Variants in CLEC12A observed in about 807,000 individuals in gnomAD.
The protein encoded by CLEC12A is C-type lectin domain family 12 member A, also known as C-type lectin protein CLL-1.
CLEC12A carries 22 observed loss-of-function variants against 26.5 expected under a neutral mutation model. The observed-to-expected ratio is 0.83, with a 90% CI of 0.59 to 1.19. The LOEUF is 1.19. Among genes scored for constraint, CLEC12A ranks in the 50% most tolerant of loss-of-function variants. The pLI is 0.00. For missense variants in CLEC12A, 353 were observed against 315.6 expected (o/e 1.12, Z -0.90); for synonymous variants, 119 against 101.9 (o/e 1.17, Z -1.01).
At chr12:9,970,890 T>C (rs1434884767), upstream of CLEC12A, among the ~76,000 whole-genome samples, 1 of 152,214 alleles carries the variant, frequency 6.6e-6, no homozygotes, top group Non-Finnish European at 1.5e-5. Context: ...CAATTACTTT[T>C]GCTTTTAATG....
chr12:9,966,713 G>A (rs558237772), upstream of CLEC12A, among the ~76,000 whole-genome samples: 70 of 151,152 alleles, frequency 4.6e-4, no homozygotes, highest in South Asian at 0.011. Flanking sequence ...TGAAGGCGAG[G>A]TTAATTAAGT....
rs1270001549 is a variant in CLEC12A, at chr12:9,979,506, C to T, written c.361C>T (p.Leu121=). 6.2e-7 allele frequency: 1 copy of T among 1,611,806 alleles called. No homozygotes were observed. The highest frequency in any genetic ancestry group is 8.5e-7 in the Non-Finnish European group (1 of 1,178,962). Residue 121 remains leucine (L), a synonymous_variant, in exon 3 of 6, where the codon CTA becomes TTA. Transcript: ENST00000304361. ...QTIATKLCRE[L]YSKEQEHKCK... is the part of the protein sequence containing the mutation. ...AATAGCCACCAAATTATGTCGTGAG[C>T]TATATAGCAAAGAACAAGGTAATCT...
At chr12:9,979,907 T>C (rs921297109) in intron 3 of CLEC12A, among the ~76,000 whole-genome samples, 7 of 152,162 alleles carry the variant, frequency 4.6e-5, no homozygotes, top group Admixed American at 1.3e-4. Context: ...ACAAAGTCCA[T>C]AGAAAAAAAT....
intron 1 of CLEC12A, among the ~76,000 whole-genome samples, chr12:9,972,174 T>C (rs1864157374): frequency 6.6e-6 from 1 of 152,068 alleles, no homozygotes; most frequent in Non-Finnish European, 1.5e-5. Context: ...CTACTTCTTT[T>C]GGAGATTTTT....
intron 1 of CLEC12A, among the ~76,000 whole-genome samples, chr12:9,976,437 C>T (rs1864338939): frequency 6.6e-6 from 1 of 152,134 alleles, no homozygotes; most frequent in South Asian, 2.1e-4. Flanking sequence ...GATTTGGTGC[C>T]CTTTGGACTT....
At chr12:9,963,086 T>A (rs1863866648) in intron 1 of CLEC12A, among the ~76,000 whole-genome samples, 2 of 152,132 alleles carry the variant, frequency 1.3e-5, no homozygotes, top group Admixed American at 1.3e-4. Context: ...GAATTATTCG[T>A]GATGGCCTGG....
chr12:9,977,092 A>G (rs1864369110), intron 1 of CLEC12A, among the ~76,000 whole-genome samples: 1 of 152,192 alleles, frequency 6.6e-6, no homozygotes, highest in Admixed American at 6.5e-5. Context: ...TGCTAACCCT[A>G]AAGATGGTGT....
intron 4 of CLEC12A, chr12:9,993,079 T>C: frequency 6.8e-7 from 1 of 1,472,470 alleles, no homozygotes. Flanking sequence ...TACTGATGCA[T>C]TCATACATAT....
At chr12:9,954,382 C>A (rs1307894742) in intron 1 of CLEC12A, among the ~76,000 whole-genome samples, 4 of 152,004 alleles carry the variant, frequency 2.6e-5, no homozygotes, top group Non-Finnish European at 5.9e-5. Flanking sequence ...GTAGTCCCAG[C>A]TACTCAGGAG....
chr12:9,980,605 A>G lies in CLEC12A; in HGVS notation c.403A>G (p.Arg135Gly). 6.2e-7 allele frequency: 1 copy of G among 1,613,864 alleles called. No homozygotes were observed. The highest frequency in any genetic ancestry group is 2.2e-5 in the East Asian group (1 of 44,886). Residue 135 changes from arginine (R) to glycine (G), a missense_variant, in exon 4 of 6, where the codon AGG (arginine) becomes GGG (glycine). By Grantham distance (125) the Arg-to-Gly change is moderately radical. Coordinates refer to ENST00000304361, the MANE Select transcript of CLEC12A (RefSeq NM_138337.6). ...AGAGCACAAATGTAAGCCTTGTCCA[A>G]GGAGATGGATTTGGCATAAGGACAG... ...EQEHKCKPCP[R>G]RWIWHKDSCY...
chr12:9,973,297 TAAA>T (rs57490988), intron 1 of CLEC12A, among the ~76,000 whole-genome samples: 2 of 150,938 alleles, frequency 1.3e-5, no homozygotes, highest in African/African-American at 4.9e-5. Context: ...GCCATGTCTA[TAAA>T]AAAAAAATTT....
chr12:9,986,233 G>GA, downstream of CLEC12A: 1 of 373,314 alleles, frequency 2.7e-6, no homozygotes, highest in South Asian at 1.9e-5. Context: ...CGTCAGAACA[G>GA]AAAAAGGAAC....
intron 1 of CLEC12A, among the ~76,000 whole-genome samples, chr12:9,976,391 G>C (rs542139048): frequency 1.3e-5 from 2 of 152,206 alleles, no homozygotes; most frequent in South Asian, 4.1e-4. Context: ...CTGGATGTGA[G>C]ATATAGAGCC....
At position 9,982,126 on chromosome 12, in the gene CLEC12A, C is replaced by A; in HGVS notation, c.638C>A (p.Ala213Asp). 6.7e-7 allele frequency: 1 copy of A among 1,501,338 alleles called. No homozygotes were observed. Among genetic ancestry groups the A allele is most frequent in the Non-Finnish European group, 9.3e-7 (1 of 1,078,520 alleles). The allele number at this position is 1,501,338 out of a possible 1,614,324, so 93.0% of individuals were successfully genotyped here. ...MRVDNIINSS[A>D]WVIRNAPDLN... ...GTGGATAATATAATCAACTCCTCTG[C>A]CTGGTAAGTGTCTATTCTTGTTAGA... is the stretch of plus-strand genomic sequence containing the variant. The change falls in exon 5 of 6, where the codon GCC becomes GAC. Residue 213 changes from alanine (A) to aspartate (D), a missense_variant. By Grantham distance (126) the Ala-to-Asp change is moderately radical. Transcript: ENST00000304361.
In CLEC12A at chr12:9,980,691, T is replaced by C; in HGVS notation, c.489T>C (p.Ala163=). Residue 163 remains alanine (A), a synonymous_variant, in exon 4 of 6, where the codon GCT becomes GCC. Transcript: ENST00000304361. The part of the protein sequence containing the change: ...TWQESKMACA[A]QNASLLKINN... ...AGGAGAGTAAAATGGCCTGTGCTGC[T>C]CAGAATGCCAGCCTGTTGAAGATAA... 1 of 1,613,786 alleles carries C rather than the reference T, an allele frequency of 6.2e-7. No individual in the cohort carries two copies. Among genetic ancestry groups the C allele is most frequent in the South Asian group, 1.1e-5 (1 of 91,070 alleles).
At chr12:9,972,919 C>A (rs970935494) in intron 1 of CLEC12A, among the ~76,000 whole-genome samples, 3 of 151,994 alleles carry the variant, frequency 2.0e-5, no homozygotes, top group African/African-American at 7.3e-5. Flanking sequence ...CCAACAATTG[C>A]CCTTTACTTG....
chr12:9,979,605 C>A, intron 3 of CLEC12A, 81 bp downstream of exon 3: 3 of 1,058,080 alleles, frequency 2.8e-6, no homozygotes, highest in South Asian at 1.7e-5. Flanking sequence ...TTATAATTAG[C>A]TAGCAGCCTT....
chr12:9,986,423 C>CG (rs1448528461), downstream of CLEC12A, among the ~76,000 whole-genome samples: 3 of 137,330 alleles, frequency 2.2e-5, no homozygotes, highest in African/African-American at 7.5e-5. Flanking sequence ...ATCCCCCCCC[C>CG]CCTTTTTTTC....
chr12:9,978,888 T>C (rs1864441231), intron 1 of CLEC12A, 78 bp from the exon 2 acceptor site: 2 of 997,222 alleles, frequency 2.0e-6, no homozygotes, highest in Non-Finnish European at 3.2e-6. Context: ...GTAAAATGAA[T>C]GAATGAATGA....
Sources: allele counts gnomAD v4.1 joint callset (sites outside exome capture counted in the v4.1 genomes callset), GRCh38; gene constraint gnomAD v4.1.1; transcripts MANE v1.5; gene names NCBI Gene and HGNC (gene_info 2026-07-23, HGNC 2026-07-21).